Variants in PIK3R6 observed in about 807,000 individuals in gnomAD.
PIK3R6 encodes phosphoinositide 3-kinase regulatory subunit 6.
Under a neutral mutation model 84.9 loss-of-function variants are expected in PIK3R6, and 91 were observed. That is an observed-to-expected ratio of 1.07 (90% CI 0.90 to 1.28). The LOEUF (loss-of-function observed/expected upper bound fraction) is 1.28. Among genes scored for constraint, PIK3R6 ranks in the 50% most tolerant of loss-of-function variants. The probability of loss-of-function intolerance (pLI) is 0.00; values close to 1 mark genes in which losing one functional copy is unlikely to be tolerated. For synonymous variants in PIK3R6, 416 were observed against 411.4 expected, an observed-to-expected ratio of 1.01 and a Z score of -0.13; for missense variants, 996 against 985.1, an observed-to-expected ratio of 1.01 and a Z score of -0.15.
chr17:8,850,575 G>A (rs1343996772), intron 1 of PIK3R6, among the ~76,000 whole-genome samples: 1 of 152,124 alleles, frequency 6.6e-6, no homozygotes, highest in Admixed American at 6.5e-5. Context: ...CCTTAAGCAT[G>A]ACCTCTGTCT....
At chr17:8,832,799 G>C in intron 9 of PIK3R6, 90 bp downstream of exon 9, 2 of 1,574,862 alleles carry the variant, frequency 1.3e-6, no homozygotes, top group South Asian at 1.1e-5. Flanking sequence ...GACAGAGGCA[G>C]GTCCAGCGCT....
intron 10 of PIK3R6, among the ~76,000 whole-genome samples, chr17:8,829,214 GACACAC>G (rs3859231): frequency 1.3e-5 from 2 of 150,438 alleles, no homozygotes; most frequent in Non-Finnish European, 3.0e-5. Context: ...CACACACACA[GACACAC>G]ACACAGAGAC....
At chr17:8,845,213 G>C (rs2088788691) in intron 2 of PIK3R6, among the ~76,000 whole-genome samples, 1 of 152,144 alleles carries the variant, frequency 6.6e-6, no homozygotes, top group South Asian at 2.1e-4. Flanking sequence ...TGGGTCGAAT[G>C]GTAGCTCTGT....
intron 5 of PIK3R6, 133 bp downstream of exon 5, chr17:8,837,670 C>T: frequency 1.4e-6 from 1 of 732,114 alleles, no homozygotes; most frequent in Non-Finnish European, 2.3e-6. Flanking sequence ...GCTCAGAAGC[C>T]AGTTTAGGGC....
intron 2 of PIK3R6, among the ~76,000 whole-genome samples, chr17:8,840,377 A>G (rs1189624491): frequency 7.2e-6 from 1 of 139,836 alleles, no homozygotes; most frequent in African/African-American, 2.6e-5. Context: ...TGAAATATAT[A>G]TAGCCTCCAA....
Position 8,824,694 on chromosome 17 carries a change from C to T in PIK3R6, c.1516-1197G>A, listed in dbSNP as rs181857319. Among the ~76,000 whole-genome samples the T allele has an allele frequency of 2.6e-4, 40 of 152,270 alleles. 1 individual carries two copies. Among genetic ancestry groups the T allele is most frequent in the African/African-American group, 9.6e-4 (40 of 41,554 alleles). ...GTGTCCCAGCGGAGAAAAATAGCTA[C>T]CAGCAAAGGAGCACCAATGGGGCCT... On this transcript the variant is annotated intron_variant, in intron 13 of 19. Coordinates refer to ENST00000619866, the MANE Select transcript of PIK3R6 (RefSeq NM_001010855.4).
chr17:8,863,831 G>A (rs1239139943), intron 1 of PIK3R6, among the ~76,000 whole-genome samples: 2 of 152,190 alleles, frequency 1.3e-5, no homozygotes, highest in Non-Finnish European at 2.9e-5. Flanking sequence ...ACCGCGCCCG[G>A]CCAGTTTCCA....
At chr17:8,814,974 T>C (rs761348158) in intron 18 of PIK3R6, among the ~76,000 whole-genome samples, 45 of 152,216 alleles carry the variant, frequency 3.0e-4, no homozygotes, top group Middle Eastern at 6.8e-3. Context: ...GAAGGCACCA[T>C]ATTATACAAC....
In PIK3R6 at chr17:8,821,919, C is replaced by T. The variant is rs775790659; in HGVS notation, c.1806G>A (p.Arg602=). The T allele has an allele frequency of 6.3e-7, 1 of 1,586,534 alleles. No individual in the cohort carries two copies. The stretch of plus-strand genomic sequence containing the variant: ...GCAGGGAAACGGTGACCTCTCGGGG[C>T]CGGTGGCTAAGCAAGGCCTGAGGAG... ...LCYQKALLSH[R]PREVTVSLRA... The change falls in exon 17 of 20, where the codon CGG becomes CGA. Residue 602 remains arginine, a synonymous_variant. Transcript: ENST00000619866.
At position 8,835,335 on chromosome 17, in the gene PIK3R6, G is replaced by C. The variant is rs1164332360; in HGVS notation, c.583C>G (p.His195Asp). 1 of 1,609,490 alleles carries C rather than the reference G, an allele frequency of 6.2e-7. No individual in the cohort carries two copies. The highest frequency in any genetic ancestry group is 8.5e-7 in the Non-Finnish European group (1 of 1,177,258). ...PETCMRHVVS[H>D]ALQAALGEAC... is the part of the protein sequence containing the mutation. ...TCCCCCAGAGCCGCCTGCAGGGCGT[G>C]GGAGACCACGTGGCGCATGCAGGTC... The change falls in exon 8 of 20, where the codon CAC becomes GAC. Residue 195 changes from histidine (H) to aspartate (D), a missense_variant. Coordinates refer to ENST00000619866, the MANE Select transcript of PIK3R6 (RefSeq NM_001010855.4).
In PIK3R6 at chr17:8,842,612, T is replaced by C. The variant is rs939174392; in HGVS notation, c.14-2915A>G. Among the ~76,000 whole-genome samples, 1 of 150,958 alleles carries C rather than the reference T, an allele frequency of 6.6e-6. No homozygotes were observed. The highest frequency in any genetic ancestry group is 1.5e-5 in the Non-Finnish European group (1 of 67,682). ...ACTCCTCACACAATAAATTCCTCTT[T>C]GCAATTAGCTCCCACCAAGAGTTTG... On this transcript the variant is annotated intron_variant, in intron 2 of 19. Coordinates refer to ENST00000619866, the MANE Select transcript of PIK3R6 (RefSeq NM_001010855.4). This position sits in a 1 kb window ranked among gnomAD's most constrained non-coding sequence, Gnocchi z 4.5.
chr17:8,811,791 T>G (rs893611509), intron 18 of PIK3R6, among the ~76,000 whole-genome samples: 1 of 148,194 alleles, frequency 6.7e-6, no homozygotes, highest in Non-Finnish European at 1.5e-5. Context: ...AAAAAGTCTC[T>G]AGGAAGTTCC....
rs1446142490 is a variant in PIK3R6 at position 8,803,469 on chromosome 17, G to A, written c.2109-40C>T. ...AGACCAGCTCAGGTGACCCATCTGAGGGATCAGATTGCCTAGGGCATTTGA... is the reference window on the plus strand; with the variant it reads ...AGACCAGCTCAGGTGACCCATCTGAAGGATCAGATTGCCTAGGGCATTTGA... On this transcript the variant is annotated intron_variant, in intron 19 of 19. Coordinates refer to ENST00000619866, the MANE Select transcript of PIK3R6 (RefSeq NM_001010855.4). The surrounding 1 kb of genome is among the most constrained non-coding windows in gnomAD (Gnocchi z 5.0). 1.3e-6 allele frequency: 2 copies of A among 1,558,244 alleles called. No individual in the cohort carries two copies. Among genetic ancestry groups the A allele is most frequent in the East Asian group, 2.2e-5 (1 of 44,536 alleles).
intron 18 of PIK3R6, among the ~76,000 whole-genome samples, chr17:8,813,582 A>G (rs528653984): frequency 6.6e-6 from 1 of 152,358 alleles, no homozygotes; most frequent in South Asian, 2.1e-4. Flanking sequence ...TTTTATTCCA[A>G]CAATGCAAGG....
chr17:8,836,763 G>A, intron 6 of PIK3R6, 28 bp downstream of exon 6: 1 of 1,610,930 alleles, frequency 6.2e-7, no homozygotes. Flanking sequence ...GTGCAGCGTG[G>A]GAGACAAAGA....
intron 1 of PIK3R6, among the ~76,000 whole-genome samples, chr17:8,853,277 A>T (rs2089024646): frequency 6.6e-6 from 1 of 151,856 alleles, no homozygotes; most frequent in Non-Finnish European, 1.5e-5. Context: ...CAGGATCAGC[A>T]GATGGAGACC....
At chr17:8,837,957 A>G in intron 4 of PIK3R6, 86 bp from the exon 5 acceptor site, 1 of 1,212,442 alleles carries the variant, frequency 8.2e-7, no homozygotes, top group Non-Finnish European at 1.2e-6. Context: ...GGGAGTGGGC[A>G]GGAGATGGGG....
intron 18 of PIK3R6, among the ~76,000 whole-genome samples, chr17:8,812,348 A>G (rs922129752): frequency 6.6e-6 from 1 of 152,246 alleles, no homozygotes; most frequent in East Asian, 1.9e-4. Context: ...CAAATTATCA[A>G]GGCAGAAAAT....
intron 16 of PIK3R6, among the ~76,000 whole-genome samples, chr17:8,822,318 C>G (rs2087765051): frequency 1.3e-5 from 2 of 152,106 alleles, no homozygotes; most frequent in African/African-American, 4.8e-5. Context: ...TCAGTTCAAG[C>G]CTCTGGTCAG....
Sources: gnomAD v4.1 joint callset for allele counts (sites outside exome capture counted in the v4.1 genomes callset) on GRCh38, gnomAD v4.1.1 for gene constraint, Gnocchi (gnomAD v3.1) non-coding constraint, MANE v1.5 for transcripts, NCBI Gene and HGNC (gene_info 2026-07-23, HGNC 2026-07-21) for gene names.